TANK: variants seen among roughly 807,000 people sequenced by gnomAD.
TANK encodes TRAF family member-associated NF-kappa-B activator.
Under a neutral mutation model 43.6 loss-of-function variants are expected in TANK, and 15 were observed. The ratio of observed to expected loss-of-function variants is 0.34; its 90% CI spans 0.23 to 0.53. The LOEUF is 0.53. Ranked by LOEUF, TANK falls within the 20% of genes least tolerant of loss-of-function variation. TANK has a pLI of 0.94. For synonymous variants in TANK, 162 were observed against 178.2 expected (o/e 0.91, Z 0.73); for missense variants, 417 against 498.6 (o/e 0.84, Z 1.56).
chr2:161,205,557 G>A (rs889688559), intron 4 of TANK, among the ~76,000 whole-genome samples: 13 of 152,074 alleles, frequency 8.5e-5, no homozygotes, highest in African/African-American at 3.1e-4. Flanking sequence ...AATACAGAAA[G>A]AAATAGTACA....
intron 2 of TANK, among the ~76,000 whole-genome samples, chr2:161,199,559 T>C (rs2105336759): frequency 6.6e-6 from 1 of 152,338 alleles, no homozygotes; most frequent in African/African-American, 2.4e-5. Flanking sequence ...ATAGGAAATA[T>C]GCTGCCTTAG....
At chr2:161,196,897 A>G (rs1322512066) in intron 2 of TANK, among the ~76,000 whole-genome samples, 2 of 152,234 alleles carry the variant, frequency 1.3e-5, no homozygotes, top group Non-Finnish European at 2.9e-5. Flanking sequence ...TAAGGATTAA[A>G]TGAGATAAAG....
chr2:161,189,229 A>G (rs559174770), intron 2 of TANK, among the ~76,000 whole-genome samples: 2 of 152,344 alleles, frequency 1.3e-5, no homozygotes, highest in Admixed American at 6.5e-5. Context: ...GTAATGGTTC[A>G]GCATACAAAA....
At chr2:161,194,584 C>A (rs1399728251) in intron 2 of TANK, among the ~76,000 whole-genome samples, 3 of 152,046 alleles carry the variant, frequency 2.0e-5, no homozygotes, top group African/African-American at 7.2e-5. Flanking sequence ...AGTTACAGAT[C>A]TTCTCTAATG....
chr2:161,183,700 G>T (rs1191350729), intron 2 of TANK, among the ~76,000 whole-genome samples: 1 of 151,998 alleles, frequency 6.6e-6, no homozygotes, highest in Non-Finnish European at 1.5e-5. Flanking sequence ...AAGAAAAAAT[G>T]TATAATATAT....
chr2:161,212,063 CTTT>C (rs11375138), intron 4 of TANK: 333 of 647,370 alleles, frequency 5.1e-4, no homozygotes, highest in Middle Eastern at 7.7e-4. Flanking sequence ...AATACATAAA[CTTT>C]TTTTTTTTTT....
intron 2 of TANK, among the ~76,000 whole-genome samples, chr2:161,185,899 A>T (rs1022574991): frequency 1.6e-4 from 24 of 152,298 alleles, no homozygotes; most frequent in African/African-American, 5.5e-4. Context: ...TTTTACAATC[A>T]CATTACACAA....
At chr2:161,216,402 A>G (rs1185622424) in intron 4 of TANK, 2 of 470,038 alleles carry the variant, frequency 4.3e-6, no homozygotes, top group Non-Finnish European at 8.8e-6. Flanking sequence ...GAGACTCCTC[A>G]CTTCTGTCCT....
chr2:161,139,092 T>C (rs929385838), intron 1 of TANK, among the ~76,000 whole-genome samples: 16 of 152,212 alleles, frequency 1.1e-4, no homozygotes, highest in African/African-American at 3.6e-4. Flanking sequence ...TATTGATCCC[T>C]CATTTTTTCT....
Position 161,212,630 on chromosome 2 carries a change from G to A in TANK, c.327+7837G>A, listed in dbSNP as rs13423829. The A allele has an allele frequency of 1.0e-4, 103 of 985,222 alleles. No homozygotes were observed. The Admixed American group carries it at 2.2e-3, about 21-fold the overall frequency. 61.0% of individuals were successfully genotyped at this position (985,222 alleles called of 1,614,324 possible). On this transcript the variant is annotated intron_variant, in intron 4 of 7. Coordinates refer to ENST00000392749, the MANE Select transcript of TANK (RefSeq NM_001199135.3). The stretch of plus-strand genomic sequence containing the variant: ...TCTTTCCTAACTTAGAAGCAAATTC[G>A]AATGTCTCTAGTATGGCTTTTCTCT...
chr2:161,147,635 G>A (rs1051060627), intron 1 of TANK, among the ~76,000 whole-genome samples: 5 of 152,008 alleles, frequency 3.3e-5, no homozygotes, highest in East Asian at 1.9e-4. Context: ...CGAGGGTCAC[G>A]CCAGCTGCCT....
chr2:161,155,964 A>T, upstream of TANK: 1 of 757,034 alleles, frequency 1.3e-6, no homozygotes, highest in Non-Finnish European at 1.6e-6. Flanking sequence ...TGATTAAATT[A>T]ATGACTTGAT....
intron 1 of TANK, chr2:161,163,122 A>G (rs1294693542): frequency 6.6e-6 from 1 of 152,144 alleles, no homozygotes; most frequent in Non-Finnish European, 1.5e-5. Flanking sequence ...AGGTTTTGGT[A>G]TCAAGGTTAT....
At chr2:161,212,666 C>G in intron 4 of TANK, 1 of 985,254 alleles carries the variant, frequency 1.0e-6, no homozygotes, top group Non-Finnish European at 1.2e-6. Context: ...CCTTATTTCC[C>G]CTATCATCCC....
intron 1 of TANK, among the ~76,000 whole-genome samples, chr2:161,174,824 A>G (rs1200820521): frequency 6.6e-6 from 1 of 152,208 alleles, no homozygotes; most frequent in Non-Finnish European, 1.5e-5. Flanking sequence ...CTGATCAGGA[A>G]AATCAAACTG....
chr2:161,182,311 G>T (rs1685465757), intron 2 of TANK, among the ~76,000 whole-genome samples: 1 of 151,946 alleles, frequency 6.6e-6, no homozygotes, highest in Non-Finnish European at 1.5e-5. Context: ...CAAGTAAAGG[G>T]CTCAGTCCCA....
At chr2:161,214,510 C>T (rs1437990314) in intron 4 of TANK, among the ~76,000 whole-genome samples, 1 of 69,098 alleles carries the variant, frequency 1.4e-5, no homozygotes, top group South Asian at 6.4e-4. Flanking sequence ...CCTTTTTTTG[C>T]TGGTTTTTTT....
intron 4 of TANK, among the ~76,000 whole-genome samples, chr2:161,217,726 G>A (rs1467171784): frequency 1.3e-5 from 2 of 150,194 alleles, no homozygotes; most frequent in Non-Finnish European, 3.0e-5. Flanking sequence ...TAGTTTTTTG[G>A]TTTTTTTCTG....
intron 4 of TANK, chr2:161,212,589 G>A: frequency 1.0e-6 from 1 of 985,160 alleles, no homozygotes. Flanking sequence ...GAAGTGATAT[G>A]TCACCTTCTA....
Sources: gnomAD v4.1 joint callset for allele counts (sites outside exome capture counted in the v4.1 genomes callset) on GRCh38, gnomAD v4.1.1 for gene constraint, MANE v1.5 for transcripts, NCBI Gene and HGNC (gene_info 2026-07-23, HGNC 2026-07-21) for gene names.